Variants in TENM2 observed in about 807,000 individuals in gnomAD.
The protein encoded by TENM2 is teneurin-2.
In TENM2, 52 loss-of-function variants were observed where a neutral mutation model predicts 245.2. The observed-to-expected ratio is 0.21, with a 90% CI of 0.17 to 0.27. The LOEUF (loss-of-function observed/expected upper bound fraction) is 0.27, where lower values mean the gene tolerates loss of function less well. Ranked by LOEUF, TENM2 falls within the 10% of genes least tolerant of loss-of-function variation. The pLI is 1.00. For missense variants in TENM2, 3,046 were observed against 3,666.8 expected (o/e 0.83, Z 4.37); for synonymous variants, 1,363 against 1,438.9 (o/e 0.95, Z 1.19).
chr5:167,695,612 ATAGT>A (rs1241569256), intron 2 of TENM2, among the ~76,000 whole-genome samples: 7 of 152,288 alleles, frequency 4.6e-5, no homozygotes, highest in East Asian at 3.9e-4. Flanking sequence ...TCAGACAAAA[ATAGT>A]TAGCTGGAAA....
chr5:168,070,216 C>T (rs1169117403), intron 7 of TENM2, among the ~76,000 whole-genome samples: 3 of 152,096 alleles, frequency 2.0e-5, no homozygotes, highest in South Asian at 2.1e-4. Flanking sequence ...TTTTTGTGTA[C>T]GTATGAAAAT....
At chr5:167,624,428 G>A (rs1052507225) in intron 2 of TENM2, among the ~76,000 whole-genome samples, 9 of 152,192 alleles carry the variant, frequency 5.9e-5, no homozygotes, top group Middle Eastern at 3.4e-3. Context: ...GAGTAGGGAG[G>A]GAGGAAGCCT....
rs1044233618 is a variant in TENM2, at chr5:168,016,219, G to A, written c.1186+23037G>A. On this transcript the variant is annotated intron_variant, in intron 5 of 28. Coordinates refer to ENST00000518659, the Ensembl canonical transcript of TENM2. ...CACAGATGAGGACACTGAGGCTTAC[G>A]GATGTTAAGTAGCTTGTCCAAGGTT... Among the ~76,000 whole-genome samples, 40 of 152,254 alleles carry A rather than the reference G, an allele frequency of 2.6e-4. 1 individual carries two copies. In the South Asian group the frequency reaches 5.4e-3, roughly 21 times the overall value.
intron 2 of TENM2, among the ~76,000 whole-genome samples, chr5:167,516,932 CTT>C (rs1770422009): frequency 6.6e-6 from 1 of 152,326 alleles, no homozygotes; most frequent in African/African-American, 2.4e-5. Flanking sequence ...ATTTTTGACA[CTT>C]TAAATTTTCT....
chr5:168,008,143 T>C (rs933366294), intron 5 of TENM2, among the ~76,000 whole-genome samples: 2 of 152,172 alleles, frequency 1.3e-5, no homozygotes, highest in Non-Finnish European at 2.9e-5. Context: ...TGAGGATAAC[T>C]GGATGGAGAA....
At chr5:167,057,446 G>A in the TENM2 span, among the ~76,000 whole-genome samples, 1 of 152,086 alleles carries the variant, frequency 6.6e-6, no homozygotes, top group African/African-American at 2.4e-5. Context: ...AACACCTGTG[G>A]TAAATAAAAC....
At chr5:167,096,584 AG>A in the TENM2 span, among the ~76,000 whole-genome samples, 1 of 152,198 alleles carries the variant, frequency 6.6e-6, no homozygotes, top group African/African-American at 2.4e-5. Flanking sequence ...ACATCTGACC[AG>A]CCTCATTTCA....
At chr5:167,258,201 A>ATATATATATATATGTATATATATATGTG in the TENM2 span, among the ~76,000 whole-genome samples, 19 of 126,750 alleles carry the variant, frequency 1.5e-4, no homozygotes, top group Middle Eastern at 3.6e-3. Flanking sequence ...GTGTTGCCAT[A>ATATATATATATATGTATATATATATGTG]TATATATATA....
rs34165505 is a variant in TENM2, at chr5:167,329,551, C to CAAAAAAA, written c.226+44511_226+44517dup. On this transcript the variant is annotated intron_variant, in intron 1 of 28. Coordinates refer to ENST00000518659, the Ensembl canonical transcript of TENM2. ...TGTGTGACAGGGCCAGACTCAGTCT[C>CAAAAAAA]AAAAAAAAAAAAAAAAAAAAAAAAA... Among the ~76,000 whole-genome samples, 66 of 21,936 alleles carry CAAAAAAA rather than the reference C, an allele frequency of 3.0e-3. 13 individuals are homozygous for CAAAAAAA. Among genetic ancestry groups the CAAAAAAA allele is most frequent in the Middle Eastern group, 0.083 (1 of 12 alleles). 14.4% of individuals were successfully genotyped at this position (21,936 alleles called of 152,430 possible).
chr5:167,254,378 C>T, the TENM2 span, among the ~76,000 whole-genome samples: 1 of 152,148 alleles, frequency 6.6e-6, no homozygotes, highest in Non-Finnish European at 1.5e-5. Flanking sequence ...GCACTCTCCT[C>T]CCTGCTGTGC....
chr5:167,911,254 C>T (rs1293695885), intron 3 of TENM2, among the ~76,000 whole-genome samples: 2 of 152,092 alleles, frequency 1.3e-5, no homozygotes, highest in Admixed American at 6.5e-5. Flanking sequence ...GGGCCGGGCA[C>T]GGTGGCTCAC....
At chr5:167,339,376 A>C (rs1757964458) in intron 1 of TENM2, among the ~76,000 whole-genome samples, 1 of 152,168 alleles carries the variant, frequency 6.6e-6, no homozygotes, top group Non-Finnish European at 1.5e-5. Flanking sequence ...AGTGTTGTTA[A>C]TGTCATCTCT....
At chr5:167,061,680 C>T in the TENM2 span, among the ~76,000 whole-genome samples, 1 of 152,110 alleles carries the variant, frequency 6.6e-6, no homozygotes. Context: ...TCAAAAGGAT[C>T]ATTCAATCAG....
At chr5:167,052,779 CCCCTAAG>C in the TENM2 span, among the ~76,000 whole-genome samples, 4 of 147,114 alleles carry the variant, frequency 2.7e-5, no homozygotes, top group South Asian at 6.4e-4. Flanking sequence ...TTTTTTTTTT[CCCCTAAG>C]TAAGCATTCT....
chr5:167,949,645 C>T (rs1779921807), intron 3 of TENM2, among the ~76,000 whole-genome samples: 1 of 152,102 alleles, frequency 6.6e-6, no homozygotes, highest in South Asian at 2.1e-4. Flanking sequence ...GATGAGTAAG[C>T]TGAGAATGAA....
At position 167,602,036 on chromosome 5, in the gene TENM2, A is replaced by C. The variant is rs1219218422; in HGVS notation, c.502+226563A>C. 2.7e-5 allele frequency among the ~76,000 whole-genome samples: 4 copies of C among 148,132 alleles called. No individual in the cohort carries two copies. In the South Asian group the frequency reaches 8.6e-4, roughly 32 times the overall value. ...GTATTATTGGATAGAAAAAAAAAAA[A>C]CACAGAGAAGGTAGCTTTTCTTGCC... On this transcript the variant is annotated intron_variant, in intron 2 of 28. Coordinates refer to ENST00000518659, the Ensembl canonical transcript of TENM2.
chr5:167,386,439 T>C (rs1237493554), intron 2 of TENM2, among the ~76,000 whole-genome samples: 1 of 152,152 alleles, frequency 6.6e-6, no homozygotes, highest in African/African-American at 2.4e-5. Context: ...GTATAGATTG[T>C]GAAGATTTTC....
chr5:168,024,429 C>T (rs1786429670), intron 5 of TENM2, among the ~76,000 whole-genome samples: 1 of 152,198 alleles, frequency 6.6e-6, no homozygotes, highest in Admixed American at 6.5e-5. Flanking sequence ...TCAATAATAA[C>T]TTTCCCTTTG....
At chr5:168,013,664 A>C (rs1463067994) in intron 5 of TENM2, among the ~76,000 whole-genome samples, 1 of 152,180 alleles carries the variant, frequency 6.6e-6, no homozygotes, top group East Asian at 1.9e-4. Flanking sequence ...CTGGAAATAG[A>C]TGCAACAGCT....
Sources: gnomAD v4.1 joint callset for allele counts (sites outside exome capture counted in the v4.1 genomes callset) on GRCh38, gnomAD v4.1.1 for gene constraint, MANE v1.5 for transcripts, NCBI Gene and HGNC (gene_info 2026-07-23, HGNC 2026-07-21) for gene names.